The following TC2N variants were observed in gnomAD, a reference collection of about 807,000 sequenced individuals.
TC2N encodes tandem C2 domains nuclear protein.
A neutral mutation model predicts 61.9 loss-of-function variants in TC2N; 51 were observed. That is an observed-to-expected ratio of 0.82 (90% CI 0.66 to 1.04). TC2N has a LOEUF of 1.04. Ranked by LOEUF, TC2N falls within the 50% of genes least tolerant of loss-of-function variation. The probability of loss-of-function intolerance (pLI) is 0.00; values close to 1 mark genes in which losing one functional copy is unlikely to be tolerated. For synonymous variants in TC2N, 204 were observed against 192.6 expected (o/e 1.06, Z -0.49); for missense variants, 556 against 566.7 (o/e 0.98, Z 0.19).
At chr14:91,861,292 G>A (rs1337682821) in intron 1 of TC2N, among the ~76,000 whole-genome samples, 1 of 152,242 alleles carries the variant, frequency 6.6e-6, no homozygotes, top group Non-Finnish European at 1.5e-5. Context: ...GCCGGAACAG[G>A]AAGAGGGCAA....
intron 8 of TC2N, among the ~76,000 whole-genome samples, chr14:91,796,996 G>A (rs1282536239): frequency 1.3e-5 from 2 of 151,882 alleles, no homozygotes; most frequent in Non-Finnish European, 2.9e-5. Context: ...TATTTCCACA[G>A]AAATAATTTC....
chr14:91,800,217 A>G (rs1277413171), intron 5 of TC2N, 64 bp downstream of exon 5: 2 of 994,676 alleles, frequency 2.0e-6, no homozygotes, highest in Admixed American at 4.5e-5. Context: ...TAATTCATAC[A>G]TTTCTGAATT....
At chr14:91,851,034 A>G (rs1267725577) in intron 1 of TC2N, among the ~76,000 whole-genome samples, 1 of 152,166 alleles carries the variant, frequency 6.6e-6, no homozygotes, top group African/African-American at 2.4e-5. Flanking sequence ...CAGGGCTCCC[A>G]CTGATTCTAC....
chr14:91,840,191 C>G (rs1441421051), intron 1 of TC2N, among the ~76,000 whole-genome samples: 1 of 152,190 alleles, frequency 6.6e-6, no homozygotes, highest in Non-Finnish European at 1.5e-5. Flanking sequence ...TGCCCACTAA[C>G]TTTGATTGGA....
chr14:91,783,201 T>G lies in TC2N; in HGVS notation c.1372A>C (p.Ser458Arg). Reference sequence around the variant, plus strand: ...GCTTCAATGTTATTACTGTCTTCACTTATCCAAATCTGTAAAGGAAAGTAT... The same window carrying G: ...GCTTCAATGTTATTACTGTCTTCACGTATCCAAATCTGTAAAGGAAAGTAT... ...RKHFVGQIWI[S>R]EDSNNIEAVN... Residue 458 changes from serine to arginine, a missense_variant, in exon 12 of 12, where the codon AGT becomes CGT. Transcript: ENST00000435962. The G allele has an allele frequency of 6.3e-7, 1 of 1,593,446 alleles. No individual in the cohort carries two copies. Among genetic ancestry groups the G allele is most frequent in the Non-Finnish European group, 8.6e-7 (1 of 1,162,706 alleles).
At chr14:91,857,017 A>G (rs549039175) in intron 1 of TC2N, among the ~76,000 whole-genome samples, 40 of 152,324 alleles carry the variant, frequency 2.6e-4, no homozygotes, top group African/African-American at 7.5e-4. Flanking sequence ...AAAGAGCGCT[A>G]GACCAAGAGG....
chr14:91,815,429 C>A (rs976566213), intron 1 of TC2N, among the ~76,000 whole-genome samples: 3 of 151,638 alleles, frequency 2.0e-5, no homozygotes, highest in African/African-American at 7.2e-5. Flanking sequence ...CACAAAAAGA[C>A]ACCACAAATA....
rs919898283 is a variant in TC2N at position 91,828,627 on chromosome 14, C to T, written c.-56-14802G>A. Reference sequence around the variant, plus strand: ...TAGGTTTAAATATTTCTTAAATCTCCTTTAATCTACAAGTTTCCTTGAAAG... The same window carrying T: ...TAGGTTTAAATATTTCTTAAATCTCTTTTAATCTACAAGTTTCCTTGAAAG... On this transcript the variant is annotated intron_variant, in intron 1 of 11. Coordinates refer to ENST00000435962, the MANE Select transcript of TC2N (RefSeq NM_001128596.3). Among the ~76,000 whole-genome samples, 6 of 152,010 alleles carry T rather than the reference C, an allele frequency of 3.9e-5. No homozygotes were observed. The East Asian group carries it at 1.2e-3, about 29-fold the overall frequency.
intron 1 of TC2N, among the ~76,000 whole-genome samples, chr14:91,862,339 CAAAA>C (rs56816512): frequency 9.4e-6 from 1 of 106,448 alleles, no homozygotes; most frequent in Non-Finnish European, 2.0e-5. Context: ...GACTCTGTCT[CAAAA>C]AAAAAAAAAA....
chr14:91,798,963 TA>T (rs754081216), intron 6 of TC2N, 25 bp downstream of exon 6: 1 of 1,485,050 alleles, frequency 6.7e-7, no homozygotes, highest in African/African-American at 1.4e-5. Flanking sequence ...CTTAAGAGTA[TA>T]AAAGTAGGAT....
At chr14:91,856,581 C>A (rs117503285) in intron 1 of TC2N, among the ~76,000 whole-genome samples, 4 of 151,758 alleles carry the variant, frequency 2.6e-5, no homozygotes, top group East Asian at 1.9e-4. Flanking sequence ...GTATCACTAA[C>A]AATTTCCTCC....
intron 3 of TC2N, among the ~76,000 whole-genome samples, chr14:91,803,386 C>T (rs1336733408): frequency 1.5e-5 from 2 of 137,666 alleles, no homozygotes; most frequent in African/African-American, 5.6e-5. Flanking sequence ...TATATACACA[C>T]ACACACACAC....
intron 8 of TC2N, among the ~76,000 whole-genome samples, chr14:91,794,277 G>C (rs2139833996): frequency 6.6e-6 from 1 of 152,326 alleles, no homozygotes; most frequent in Admixed American, 6.5e-5. Context: ...TGCTAATGTA[G>C]AAGTTGCAGC....
Position 91,799,212 on chromosome 14 carries a change from GGA to G in TC2N, c.562-150_562-149del. On this transcript the variant is annotated intron_variant, in intron 5 of 11. Transcript: ENST00000435962. The stretch of plus-strand genomic sequence containing the variant: ...TCAGAATTTCCCACTTACAGGTAGT[GGA>G]AAAAAAAAAAAAAAGCTTTTGGCAT... 1.3e-5 allele frequency: 5 copies of G among 398,270 alleles called. No homozygotes were observed. The South Asian group carries it at 1.7e-4, about 13-fold the overall frequency. The allele number at this position is 398,270 out of a possible 1,614,324, so 24.7% of individuals were successfully genotyped here.
chr14:91,807,222 T>G (rs866386490), intron 3 of TC2N, among the ~76,000 whole-genome samples: 4 of 152,144 alleles, frequency 2.6e-5, no homozygotes, highest in South Asian at 2.1e-4. Context: ...TAGGGCAGTA[T>G]GGAAGGGAAA....
At chr14:91,829,199 G>A (rs1887637555) in intron 1 of TC2N, among the ~76,000 whole-genome samples, 1 of 151,790 alleles carries the variant, frequency 6.6e-6, no homozygotes, top group African/African-American at 2.4e-5. Flanking sequence ...TATACGGATT[G>A]GTGTCTTTCC....
intron 9 of TC2N, among the ~76,000 whole-genome samples, chr14:91,789,389 C>T (rs1485929086): frequency 6.6e-6 from 1 of 150,390 alleles, no homozygotes; most frequent in Non-Finnish European, 1.5e-5. Flanking sequence ...GAGGTCAGAT[C>T]GAGACCACCC....
intron 1 of TC2N, among the ~76,000 whole-genome samples, chr14:91,858,854 T>G (rs1374148257): frequency 6.6e-6 from 1 of 152,126 alleles, no homozygotes; most frequent in East Asian, 1.9e-4. Context: ...TCTACACATG[T>G]TCCCAATTAA....
Position 91,813,601 on chromosome 14 carries a change from T to C in TC2N, c.67+102A>G, listed in dbSNP as rs561236362. 116 of 742,600 alleles carry C rather than the reference T, an allele frequency of 1.6e-4. No homozygotes were observed. The South Asian group carries it at 1.9e-3, about 12-fold the overall frequency. The allele number at this position is 742,600 out of a possible 1,614,324, so 46.0% of individuals were successfully genotyped here. On this transcript the variant is annotated intron_variant, in intron 2 of 11. Transcript: ENST00000435962. ...ACTTAGTGTGCCTTATGTTTCTGCCTCCCCTAAGAAGTTGGAAAACATGCC... is the reference window on the plus strand; with the variant it reads ...ACTTAGTGTGCCTTATGTTTCTGCCCCCCCTAAGAAGTTGGAAAACATGCC...
Sources: gnomAD v4.1 joint callset for allele counts (sites outside exome capture counted in the v4.1 genomes callset) on GRCh38, gnomAD v4.1.1 for gene constraint, MANE v1.5 for transcripts, NCBI Gene and HGNC (gene_info 2026-07-23, HGNC 2026-07-21) for gene names.